The following TMEM131L variants were observed in gnomAD, a reference collection of about 807,000 sequenced individuals.
TMEM131L encodes transmembrane protein 131-like.
Under a neutral mutation model 192.2 loss-of-function variants are expected in TMEM131L, and 54 were observed. That is an observed-to-expected ratio of 0.28 (90% CI 0.23 to 0.35). The LOEUF is 0.35. TMEM131L is among the 10% of genes least tolerant of loss of function. TMEM131L has a pLI of 1.00. For missense variants in TMEM131L, 1,888 were observed against 1,972.9 expected, an observed-to-expected ratio of 0.96 and a Z score of 0.82; for synonymous variants, 701 against 704.9, an observed-to-expected ratio of 0.99 and a Z score of 0.09.
At chr4:153,557,764 C>T (rs568848691) in intron 6 of TMEM131L, among the ~76,000 whole-genome samples, 1 of 152,272 alleles carries the variant, frequency 6.6e-6, no homozygotes, top group South Asian at 2.1e-4. Context: ...CAGTGAGGAA[C>T]ATTCAGCTTA....
At chr4:153,509,357 C>A (rs955718309) in intron 3 of TMEM131L, among the ~76,000 whole-genome samples, 2 of 146,572 alleles carry the variant, frequency 1.4e-5, no homozygotes, top group Admixed American at 1.4e-4. Flanking sequence ...AAGAGCTAGA[C>A]CCTGTCTCAA....
chr4:153,516,389 C>T (rs760489884), intron 3 of TMEM131L, among the ~76,000 whole-genome samples: 13 of 152,036 alleles, frequency 8.6e-5, no homozygotes, highest in Non-Finnish European at 7.4e-5. Flanking sequence ...ACCACTGTGC[C>T]GGGCTAATTG....
chr4:153,616,254 G>A (rs751701914), intron 26 of TMEM131L, among the ~76,000 whole-genome samples: 2 of 152,236 alleles, frequency 1.3e-5, no homozygotes, highest in East Asian at 3.9e-4. Context: ...GCAGATTTGC[G>A]GGCAGTGGTT....
chr4:153,580,169 C>T (rs915964847), intron 7 of TMEM131L, among the ~76,000 whole-genome samples: 1 of 152,110 alleles, frequency 6.6e-6, no homozygotes, highest in African/African-American at 2.4e-5. Flanking sequence ...AAGGTTGTAT[C>T]CCTTGATTTG....
chr4:153,477,517 G>A (rs1731629117), intron 3 of TMEM131L, among the ~76,000 whole-genome samples: 1 of 151,994 alleles, frequency 6.6e-6, no homozygotes, highest in Admixed American at 6.6e-5. Context: ...GTCCTTATTG[G>A]TCTTTTCACA....
At chr4:153,500,764 A>G (rs77833877) in intron 3 of TMEM131L, among the ~76,000 whole-genome samples, 5,069 of 152,264 alleles carry the variant, frequency 0.033, 139 homozygotes, top group Admixed American at 0.07. Context: ...ATTTAGAACT[A>G]TCTTAGCCTA....
chr4:153,585,229 G>A (rs1415863144), intron 12 of TMEM131L, among the ~76,000 whole-genome samples: 3 of 152,192 alleles, frequency 2.0e-5, no homozygotes, highest in East Asian at 1.9e-4. Context: ...TGGTCCTGGC[G>A]GCCTCTGTGA....
intron 18 of TMEM131L, among the ~76,000 whole-genome samples, chr4:153,592,984 C>T (rs367782594): frequency 2.6e-5 from 4 of 152,242 alleles, no homozygotes; most frequent in East Asian, 1.9e-4. Flanking sequence ...AGGACCCCCT[C>T]GGATACTAAA....
intron 14 of TMEM131L, 107 bp downstream of exon 14, chr4:153,586,486 T>A: frequency 2.6e-6 from 2 of 765,006 alleles, no homozygotes; most frequent in Non-Finnish European, 4.0e-6. Context: ...TCACGTTCTT[T>A]AAGGCTAAGA....
chr4:153,585,493 A>T lies in TMEM131L; in HGVS notation c.1193A>T (p.His398Leu). 1 of 1,614,116 alleles carries T rather than the reference A, an allele frequency of 6.2e-7. No individual in the cohort carries two copies. The highest frequency in any genetic ancestry group is 8.5e-7 in the Non-Finnish European group (1 of 1,179,946). Residue 398 changes from histidine (H) to leucine (L), a missense_variant, in exon 13 of 35, where the codon CAC (histidine) becomes CTC (leucine). Coordinates refer to ENST00000409959, the MANE Select transcript of TMEM131L (RefSeq NM_001131007.2). ...ATGGACTCTTCTGCAACCCAGTTTCACATAGAGACTCATGAGAACACATCA... is the reference window on the plus strand; with the variant it reads ...ATGGACTCTTCTGCAACCCAGTTTCTCATAGAGACTCATGAGAACACATCA... The part of the protein sequence containing the change: ...FRMDSSATQF[H>L]IETHENTSGL...
Position 153,604,131 on chromosome 4 carries a change from A to G in TMEM131L, c.3119A>G (p.Asn1040Ser), listed in dbSNP as rs1321542791. The G allele has an allele frequency of 3.7e-6, 6 of 1,614,094 alleles. No individual in the cohort carries two copies. Among genetic ancestry groups the G allele is most frequent in the East Asian group, 4.5e-5 (2 of 44,898 alleles). Residue 1040 changes from asparagine (N) to serine (S), a missense_variant, in exon 25 of 35, where the codon AAT (asparagine) becomes AGT (serine). Asn to Ser is a conservative substitution (Grantham distance 46, BLOSUM62 1). Coordinates refer to ENST00000409959, the MANE Select transcript of TMEM131L (RefSeq NM_001131007.2). ...AGCCTCAGATATGCAAGTGGCATAA[A>G]TGTCAACCTGCAGAAGAATTTAACC... ...WISLRYASGI[N>S]VNLQKNLTLP... is the part of the protein sequence containing the mutation.
chr4:153,602,837 G>C, intron 23 of TMEM131L, 110 bp downstream of exon 23: 1 of 927,532 alleles, frequency 1.1e-6, no homozygotes, highest in Admixed American at 2.2e-5. Context: ...GAATTGAGTG[G>C]AATTGTTACT....
intron 3 of TMEM131L, among the ~76,000 whole-genome samples, chr4:153,523,681 A>C (rs981285795): frequency 2.6e-5 from 4 of 152,170 alleles, no homozygotes; most frequent in African/African-American, 9.7e-5. Context: ...CAAGTTTTAT[A>C]GTTGAATTTT....
intron 4 of TMEM131L, among the ~76,000 whole-genome samples, chr4:153,551,219 A>G (rs1737594054): frequency 1.3e-5 from 2 of 152,222 alleles, no homozygotes; most frequent in Admixed American, 1.3e-4. Flanking sequence ...TTGTGAATGA[A>G]ATAACCATGG....
chr4:153,557,135 GGT>G (rs1303021287), intron 6 of TMEM131L, 53 bp downstream of exon 6: 31 of 790,390 alleles, frequency 3.9e-5, no homozygotes, highest in East Asian at 1.5e-4. Flanking sequence ...TAACTGTAGG[GGT>G]GTGTGTGTAT....
At chr4:153,563,990 T>A (rs1729021537) in intron 7 of TMEM131L, among the ~76,000 whole-genome samples, 1 of 151,970 alleles carries the variant, frequency 6.6e-6, no homozygotes, top group South Asian at 2.1e-4. Flanking sequence ...GATTGGTACC[T>A]TTAATAAAAG....
chr4:153,544,779 C>G (rs1181253096), intron 3 of TMEM131L, among the ~76,000 whole-genome samples: 2 of 152,188 alleles, frequency 1.3e-5, no homozygotes, highest in Non-Finnish European at 2.9e-5. Flanking sequence ...CTCTCCTGAT[C>G]TCTGGGTTTT....
At chr4:153,626,739 T>A (rs1040624545) in intron 30 of TMEM131L, among the ~76,000 whole-genome samples, 1 of 152,204 alleles carries the variant, frequency 6.6e-6, no homozygotes, top group Non-Finnish European at 1.5e-5. Context: ...CACTCTAGCC[T>A]GGGTAACAGA....
In TMEM131L at chr4:153,555,865, G is replaced by A; in HGVS notation, c.387G>A (p.Val129=). The part of the protein sequence containing the change: ...SRDSEVVVNS[V]FAAAGHFHVP... Reference sequence around the variant, plus strand: ...ACAGCGAGGTTGTGGTGAATTCAGTGTTTGCAGCTGCTGGACATTTCCATG... The same window carrying A: ...ACAGCGAGGTTGTGGTGAATTCAGTATTTGCAGCTGCTGGACATTTCCATG... Residue 129 remains valine (V), a synonymous_variant, in exon 5 of 35, where the codon GTG becomes GTA. Transcript: ENST00000409959. This position sits in a 1 kb window ranked among gnomAD's most constrained non-coding sequence, Gnocchi z 4.1. 1 of 1,551,670 alleles carries A rather than the reference G, an allele frequency of 6.4e-7. No individual in the cohort carries two copies. The highest frequency in any genetic ancestry group is 2.0e-5 in the Admixed American group (1 of 50,988).
Sources: allele counts gnomAD v4.1 joint callset (sites outside exome capture counted in the v4.1 genomes callset), GRCh38; gene constraint gnomAD v4.1.1; non-coding constraint Gnocchi (gnomAD v3.1); transcripts MANE v1.5; gene names NCBI Gene and HGNC (gene_info 2026-07-23, HGNC 2026-07-21).